TTBK1: variants seen among roughly 807,000 people sequenced by gnomAD.
TTBK1 encodes tau-tubulin kinase 1.
Under a neutral mutation model 108.5 loss-of-function variants are expected in TTBK1, and 34 were observed. The observed-to-expected ratio is 0.31, with a 90% CI of 0.24 to 0.42. The LOEUF is 0.42. TTBK1 is among the 10% of genes least tolerant of loss of function. TTBK1 has a pLI of 1.00. For missense variants in TTBK1, 1,539 were observed against 1,826.0 expected (o/e 0.84, Z 2.86); for synonymous variants, 809 against 795.1 (o/e 1.02, Z -0.29).
At position 43,282,804 on chromosome 6, in the gene TTBK1, C is replaced by A. The variant is rs1054221586; in HGVS notation, c.2064C>A (p.Phe688Leu). The A allele has an allele frequency of 6.2e-7, 1 of 1,614,062 alleles. No homozygotes were observed. Among genetic ancestry groups the A allele is most frequent in the Non-Finnish European group, 8.5e-7 (1 of 1,179,990 alleles). Residue 688 changes from phenylalanine (F) to leucine (L), a missense_variant, in exon 14 of 15, where the codon TTC becomes TTA. This residue lies in a region of TTBK1 where 1,055 missense variants were observed against 1,086.5 expected (regional missense o/e 0.97). Coordinates refer to ENST00000259750, the MANE Select transcript of TTBK1 (RefSeq NM_032538.3). The surrounding 1 kb of genome is among the most constrained non-coding windows in gnomAD (Gnocchi z 5.4). ...AVPLSLPYQD[F>L]KRDLSDYRER... The stretch of plus-strand genomic sequence containing the variant: ...CTCTGAGTCTGCCCTACCAGGACTT[C>A]AAAAGAGACCTCTCCGATTACCGAG...
In TTBK1 at chr6:43,285,958, A is replaced by T. The variant is rs1778372556; in HGVS notation, c.*582A>T. The T allele has an allele frequency of 6.5e-6, 1 of 152,768 alleles. No homozygotes were observed. The highest frequency in any genetic ancestry group is 1.5e-5 in the Non-Finnish European group (1 of 68,170). The allele number at this position is 152,768 out of a possible 1,614,324, so 9.5% of individuals were successfully genotyped here. ...GGCCAGGGACGGCCTCTGGACTGCC[A>T]GGCTGGGTTGGGGACCCAGGGAACA... On this transcript the variant is annotated 3_prime_UTR_variant, in exon 15 of 15. Coordinates refer to ENST00000259750, the MANE Select transcript of TTBK1 (RefSeq NM_032538.3). This position sits in a 1 kb window ranked among gnomAD's most constrained non-coding sequence, Gnocchi z 4.7.
chr6:43,280,514 T>G (rs537616437), intron 13 of TTBK1, among the ~76,000 whole-genome samples: 1 of 152,174 alleles, frequency 6.6e-6, no homozygotes, highest in Non-Finnish European at 1.5e-5. Context: ...TTTCCTGATA[T>G]AGAGAAAATA....
chr6:43,256,330 T>G (rs911557460), intron 9 of TTBK1, among the ~76,000 whole-genome samples: 2 of 151,122 alleles, frequency 1.3e-5, no homozygotes, highest in African/African-American at 2.4e-5. Flanking sequence ...GAGATGGGGT[T>G]TCACCATGTT....
chr6:43,256,605 G>T (rs956636958), intron 9 of TTBK1, among the ~76,000 whole-genome samples: 1 of 152,144 alleles, frequency 6.6e-6, no homozygotes, highest in African/African-American at 2.4e-5. Context: ...CGGGTGTGGT[G>T]GTGGGTACCT....
Position 43,257,895 on chromosome 6 carries a change from C to T in TTBK1, c.945C>T (p.Thr315=), listed in dbSNP as rs771173303. ...CCTTTGACTGGGAGAAGGCAGGCAC[C>T]GATGCCCTCCTGTCCACGAGCACCT... The part of the protein sequence containing the change: ...NEAFDWEKAG[T]DALLSTSTST... The change falls in exon 10 of 15, where the codon ACC becomes ACT. Residue 315 remains threonine (T), a synonymous_variant. Coordinates refer to ENST00000259750, the MANE Select transcript of TTBK1 (RefSeq NM_032538.3). This position sits in a 1 kb window ranked among gnomAD's most constrained non-coding sequence, Gnocchi z 4.5. The T allele has an allele frequency of 8.7e-5, 140 of 1,613,794 alleles. No homozygotes were observed. Among genetic ancestry groups the T allele is most frequent in the Non-Finnish European group, 1.1e-4 (124 of 1,179,990 alleles).
chr6:43,277,384 G>A (rs1250737671), intron 13 of TTBK1, among the ~76,000 whole-genome samples: 1 of 152,094 alleles, frequency 6.6e-6, no homozygotes, highest in East Asian at 1.9e-4. Flanking sequence ...GGAGAGAGAG[G>A]GGAAAGGTGA....
chr6:43,244,434 A>ACTCTCTGACAGATATTCATACAAACTC, intron 1 of TTBK1, among the ~76,000 whole-genome samples: 2 of 152,050 alleles, frequency 1.3e-5, no homozygotes, highest in Middle Eastern at 3.4e-3. Context: ...TCCTATCTGC[A>ACTCTCTGACAGATATTCATACAAACTC]CTCTCTGACA....
At chr6:43,279,784 G>T (rs1416990623) in intron 13 of TTBK1, among the ~76,000 whole-genome samples, 1 of 139,238 alleles carries the variant, frequency 7.2e-6, no homozygotes, top group African/African-American at 3.0e-5. Flanking sequence ...TTGTTGTTGT[G>T]TTTTTTGAGA....
At chr6:43,281,248 C>T (rs1778152420) in intron 13 of TTBK1, among the ~76,000 whole-genome samples, 1 of 151,888 alleles carries the variant, frequency 6.6e-6, no homozygotes. Flanking sequence ...TGGTGGCGGG[C>T]ACCTGTAATC....
At chr6:43,251,721 A>T (rs1777245637) in intron 2 of TTBK1, among the ~76,000 whole-genome samples, 1 of 152,114 alleles carries the variant, frequency 6.6e-6, no homozygotes, top group South Asian at 2.1e-4. Context: ...AGAGGGTCAG[A>T]CCGCTGCTCC....
At chr6:43,272,690 T>A (rs895554820) in intron 13 of TTBK1, 1 of 985,220 alleles carries the variant, frequency 1.0e-6, no homozygotes, top group Admixed American at 6.1e-5. Flanking sequence ...TAAGGTCATC[T>A]AAGCCACTTG....
In TTBK1 at chr6:43,276,056, G is replaced by C. The variant is rs1483000370; in HGVS notation, c.1987-6671G>C. Among the ~76,000 whole-genome samples the C allele has an allele frequency of 6.6e-6, 1 of 152,126 alleles. No homozygotes were observed. On this transcript the variant is annotated intron_variant, in intron 13 of 14. Coordinates refer to ENST00000259750, the MANE Select transcript of TTBK1 (RefSeq NM_032538.3). This position sits in a 1 kb window ranked among gnomAD's most constrained non-coding sequence, Gnocchi z 5.4. ...GGAGACGCCTTCTAATTGCGGGGTG[G>C]GGGCGGAGTAGGGGAGGGATAGGAA... is the stretch of plus-strand genomic sequence containing the variant.
intron 10 of TTBK1, 86 bp from the exon 11 acceptor site, chr6:43,258,952 T>C: frequency 9.9e-7 from 1 of 1,010,700 alleles, no homozygotes; most frequent in Non-Finnish European, 1.4e-6. Flanking sequence ...GGGGGTGGTC[T>C]CCAGGTCTGT....
chr6:43,272,742 G>A, intron 13 of TTBK1: 2 of 937,420 alleles, frequency 2.1e-6, no homozygotes, highest in Non-Finnish European at 2.5e-6. Flanking sequence ...AGCTTCACAT[G>A]GTTTGGGTCG....
Position 43,246,632 on chromosome 6 carries a change from C to G in TTBK1, c.-29C>G. The G allele has an allele frequency of 6.4e-7, 1 of 1,569,836 alleles. No homozygotes were observed. The highest frequency in any genetic ancestry group is 2.3e-5 in the East Asian group (1 of 44,174). On this transcript the variant is annotated 5_prime_UTR_variant, in exon 2 of 15. Coordinates refer to ENST00000259750, the MANE Select transcript of TTBK1 (RefSeq NM_032538.3). ...GTAGATGGCCCCCTCAGGGCAGGCC[C>G]GGCGGACACCCCTCCCTCTGGCTGG...
intron 6 of TTBK1, 60 bp from the exon 7 acceptor site, chr6:43,254,989 T>G: frequency 3.3e-6 from 5 of 1,515,070 alleles, no homozygotes; most frequent in Non-Finnish European, 4.6e-6. Context: ...GTGGCAGGGT[T>G]GAGAGGTGGC....
intron 13 of TTBK1, among the ~76,000 whole-genome samples, chr6:43,275,179 C>T (rs936201170): frequency 1.3e-5 from 2 of 152,176 alleles, no homozygotes; most frequent in African/African-American, 4.8e-5. Flanking sequence ...CAGCCGGACC[C>T]CCGCAGGTCC....
intron 1 of TTBK1, among the ~76,000 whole-genome samples, chr6:43,245,903 T>C (rs1278575384): frequency 6.6e-6 from 1 of 152,176 alleles, no homozygotes; most frequent in Non-Finnish European, 1.5e-5. Flanking sequence ...GGCCACAAGG[T>C]TGCTGTCTAT....
chr6:43,261,565 A>G (rs1454024934), intron 12 of TTBK1, among the ~76,000 whole-genome samples: 1 of 152,148 alleles, frequency 6.6e-6, no homozygotes, highest in Non-Finnish European at 1.5e-5. Context: ...CTGTAATCCC[A>G]GCACTTTGGG....
Sources: gnomAD v4.1 joint callset for allele counts (sites outside exome capture counted in the v4.1 genomes callset) on GRCh38, gnomAD v4.1.1 for gene constraint, gnomAD v4.1.1 regional missense constraint, Gnocchi (gnomAD v3.1) non-coding constraint, MANE v1.5 for transcripts, NCBI Gene and HGNC (gene_info 2026-07-23, HGNC 2026-07-21) for gene names.